The following RP2 variants were observed in gnomAD, a reference collection of about 807,000 sequenced individuals.
The protein encoded by RP2 is RP2 activator of ARL3 GTPase.
In RP2, 3 loss-of-function variants were observed where a neutral mutation model predicts 20.3. The ratio of observed to expected loss-of-function variants is 0.15; its 90% confidence interval spans 0.07 to 0.38. The LOEUF is 0.38. Among genes scored for constraint, RP2 ranks in the 10% least tolerant of loss-of-function variants. RP2 has a pLI of 1.00. For synonymous variants in RP2, 75 were observed against 94.8 expected (o/e 0.79, Z 1.22); for missense variants, 233 against 268.5 (o/e 0.87, Z 0.92).
chrX:46,856,027 A>G (rs1924953980), intron 2 of RP2, among the ~76,000 whole-genome samples: 1 of 111,883 alleles, frequency 8.9e-6, no homozygotes, highest in Non-Finnish European at 1.9e-5. Flanking sequence ...AAAACATTCC[A>G]TGAATCTGGT....
chrX:46,864,121 G>C (rs2147084667), intron 3 of RP2, among the ~76,000 whole-genome samples: 1 of 109,961 alleles, frequency 9.1e-6, no homozygotes, highest in Admixed American at 9.8e-5. Context: ...AGACCAGCCT[G>C]GGCAACATGG....
intron 1 of RP2, among the ~76,000 whole-genome samples, chrX:46,847,739 CACAT>C (rs782788941): frequency 1.2e-4 from 11 of 92,765 alleles, no homozygotes; most frequent in East Asian, 3.4e-4. Context: ...TGTATATACA[CACAT>C]ATGTGTGTGT....
intron 1 of RP2, among the ~76,000 whole-genome samples, chrX:46,841,276 G>A (rs1924617914): frequency 8.9e-6 from 1 of 112,100 alleles, no homozygotes; most frequent in African/African-American, 3.2e-5. Context: ...CACTAAGTAG[G>A]AGGAGGCTAG....
At chrX:46,874,700 C>T (rs1706665632) in intron 3 of RP2, among the ~76,000 whole-genome samples, 1 of 112,080 alleles carries the variant, frequency 8.9e-6, no homozygotes. Context: ...ACAGAATTAA[C>T]AATAATTCCT....
At chrX:46,847,834 A>G (rs1476634612) in intron 1 of RP2, among the ~76,000 whole-genome samples, 1 of 99,505 alleles carries the variant, frequency 1.0e-5, no homozygotes, top group Non-Finnish European at 2.0e-5. Context: ...ATATGTGTAT[A>G]TATGTGTGTA....
chrX:46,860,827 C>T (rs1925048803), intron 3 of RP2, among the ~76,000 whole-genome samples: 1 of 111,602 alleles, frequency 9.0e-6, no homozygotes, highest in Admixed American at 9.6e-5. Flanking sequence ...TTGGGTATTC[C>T]CTAGAGAGAG....
intron 2 of RP2, among the ~76,000 whole-genome samples, chrX:46,859,619 C>G (rs1925029934): frequency 8.9e-6 from 1 of 111,793 alleles, no homozygotes; most frequent in African/African-American, 3.2e-5. Flanking sequence ...TGAACTGTGG[C>G]ATTTCATCAT....
chrX:46,879,062 TAAAAAAAAAAAAAAA>T (rs35579507), intron 4 of RP2, among the ~76,000 whole-genome samples: 1 of 33,049 alleles, frequency 3.0e-5, no homozygotes, highest in Non-Finnish European at 4.5e-5. Context: ...CTACAAAAAG[TAAAAAAAAAAAAAAA>T]AAAAAAAAAA....
intron 1 of RP2, among the ~76,000 whole-genome samples, chrX:46,846,354 A>G (rs1457945290): frequency 9.0e-6 from 1 of 111,170 alleles, no homozygotes; most frequent in African/African-American, 3.3e-5. Flanking sequence ...TTGGGAGGTG[A>G]AGGCAGAAGG....
At chrX:46,863,165 G>C (rs1170481883) in intron 3 of RP2, among the ~76,000 whole-genome samples, 1 of 111,856 alleles carries the variant, frequency 8.9e-6, no homozygotes, top group Non-Finnish European at 1.9e-5. Flanking sequence ...AAGTGGGGAA[G>C]TTTGAAGATG....
At chrX:46,850,502 A>G (rs950520171) in intron 1 of RP2, among the ~76,000 whole-genome samples, 1 of 112,028 alleles carries the variant, frequency 8.9e-6, no homozygotes, top group African/African-American at 3.2e-5. Context: ...TAAGCTTTAT[A>G]TAATACGGTT....
At chrX:46,866,741 A>T (rs782212379) in intron 3 of RP2, among the ~76,000 whole-genome samples, 1 of 111,951 alleles carries the variant, frequency 8.9e-6, no homozygotes, top group South Asian at 3.7e-4. Context: ...TTCATTTGTT[A>T]CAAGCTTCAT....
At chrX:46,877,700 T>G in intron 4 of RP2, 110 bp downstream of exon 4, 1 of 351,401 alleles carries the variant, frequency 2.8e-6, no homozygotes, top group Non-Finnish European at 5.0e-6. Flanking sequence ...TTGGAATTTT[T>G]GGGGTGTGTG....
chrX:46,877,701 G>GGGGT, intron 4 of RP2, 111 bp downstream of exon 4: 1 of 333,062 alleles, frequency 3.0e-6, no homozygotes, highest in Non-Finnish European at 5.3e-6. Flanking sequence ...TGGAATTTTT[G>GGGGT]GGGTGTGTGT....
chrX:46,860,836 A>C (rs1312031845), intron 3 of RP2, among the ~76,000 whole-genome samples: 2 of 112,151 alleles, frequency 1.8e-5, no homozygotes, highest in African/African-American at 6.5e-5. Context: ...CCCTAGAGAG[A>C]GGGCACATCT....
At chrX:46,839,276 G>C (rs1556314261) in intron 1 of RP2, among the ~76,000 whole-genome samples, 1 of 111,595 alleles carries the variant, frequency 9.0e-6, no homozygotes, top group Non-Finnish European at 1.9e-5. Flanking sequence ...CTAGGGCCAG[G>C]CATGGTGACT....
chrX:46,847,844 A>G (rs782587951), intron 1 of RP2, among the ~76,000 whole-genome samples: 17 of 99,154 alleles, frequency 1.7e-4, no homozygotes, highest in East Asian at 6.5e-4. Context: ...ATATGTGTGT[A>G]TATATGTGTA....
chrX:46,848,976 G>C (rs1556317661), intron 1 of RP2, among the ~76,000 whole-genome samples: 1 of 108,488 alleles, frequency 9.2e-6, no homozygotes, highest in African/African-American at 3.4e-5. Flanking sequence ...GCTGCAGTGA[G>C]CTGTGAGTGT....
chrX:46,856,544 T>C (rs1556319252), intron 2 of RP2, among the ~76,000 whole-genome samples: 2 of 112,277 alleles, frequency 1.8e-5, no homozygotes, highest in African/African-American at 6.5e-5. Context: ...TTTACAGATA[T>C]GAAAAATAGA....
Sources: gnomAD v4.1 joint callset for allele counts (sites outside exome capture counted in the v4.1 genomes callset) on GRCh38, gnomAD v4.1.1 for gene constraint, MANE v1.5 for transcripts, NCBI Gene and HGNC (gene_info 2026-07-23, HGNC 2026-07-21) for gene names.